MICALL2: variants seen among roughly 807,000 people sequenced by gnomAD.
MICALL2 encodes the protein MICAL-like protein 2.
Under a neutral mutation model 91.1 loss-of-function variants are expected in MICALL2, and 111 were observed. That is an observed-to-expected ratio of 1.22 (90% CI 1.04 to 1.43). The LOEUF is 1.43. MICALL2 is among the 40% of genes most tolerant of loss of function. The probability of loss-of-function intolerance (pLI) is 0.00; values close to 1 mark genes in which losing one functional copy is unlikely to be tolerated. For missense variants in MICALL2, 1,556 were observed against 1,236.0 expected (o/e 1.26, Z -3.88); for synonymous variants, 694 against 525.3 (o/e 1.32, Z -4.39).
chr7:1,441,692 CG>C, intron 7 of MICALL2: 1 of 170,968 alleles, frequency 5.8e-6, no homozygotes, highest in South Asian at 1.3e-4. Context: ...GCGGAGGGGA[CG>C]GGGCATAGGG....
chr7:1,440,708 GGT>G, intron 7 of MICALL2, 24 bp from the exon 8 acceptor site: 1 of 1,597,502 alleles, frequency 6.3e-7, no homozygotes. Context: ...AAGGGGTCTG[GGT>G]GTGAGGAAGG....
intron 1 of MICALL2, among the ~76,000 whole-genome samples, chr7:1,458,487 G>C (rs1781097770): frequency 1.3e-5 from 2 of 152,256 alleles, no homozygotes; most frequent in South Asian, 2.1e-4. Flanking sequence ...AAGAGCGTTT[G>C]CTGAGTGAAT....
chr7:1,437,108 G>A, intron 14 of MICALL2: 2 of 485,104 alleles, frequency 4.1e-6, no homozygotes, highest in South Asian at 3.2e-5. Context: ...TGGACACTGA[G>A]GCTCAGGGCG....
At position 1,438,921 on chromosome 7, in the gene MICALL2, G is replaced by T. The variant is rs151320299; in HGVS notation, c.2041C>A (p.Arg681=). 3.1e-6 allele frequency: 5 copies of T among 1,608,268 alleles called. No individual in the cohort carries two copies. The highest frequency in any genetic ancestry group is 2.7e-5 in the African/African-American group (2 of 74,894). Residue 681 remains arginine (R), a synonymous_variant, in exon 10 of 17, where the codon CGG becomes AGG. Transcript: ENST00000297508. ...GCTTCCTGGCCAGGGGGCTCCGGCCGAAGCCAGTTGTCACAAACGTCGAGG... is the reference window on the plus strand; with the variant it reads ...GCTTCCTGGCCAGGGGGCTCCGGCCTAAGCCAGTTGTCACAAACGTCGAGG... ...ASLDVCDNWL[R]PEPPGQEARV...
Position 1,444,802 on chromosome 7 carries a change from G to A in MICALL2, c.1268C>T (p.Thr423Ile), listed in dbSNP as rs759972798. The A allele has an allele frequency of 6.8e-6, 11 of 1,611,422 alleles. No homozygotes were observed. In the East Asian group the frequency reaches 1.3e-4, roughly 20 times the overall value. ...TQQARNKFFQ[T>I]SAVPPGTSLS... ...GCTGGTGCCGGGGGGCACTGCTGATGTTTGGAAAAACTTATTCCGGGCCTG... is the reference window on the plus strand; with the variant it reads ...GCTGGTGCCGGGGGGCACTGCTGATATTTGGAAAAACTTATTCCGGGCCTG... The change falls in exon 6 of 17, where the codon ACA (threonine) becomes ATA (isoleucine). Residue 423 changes from threonine (T) to isoleucine (I), a missense_variant. Thr to Ile is a moderately conservative substitution (Grantham distance 89). Coordinates refer to ENST00000297508, the MANE Select transcript of MICALL2 (RefSeq NM_182924.4).
rs200181922 is a variant in MICALL2, at chr7:1,442,356, G to A, written c.1547C>T (p.Pro516Leu). The A allele has an allele frequency of 1.9e-5, 31 of 1,612,436 alleles. No individual in the cohort carries two copies. Among genetic ancestry groups the A allele is most frequent in the African/African-American group, 6.7e-5 (5 of 75,034 alleles). Residue 516 changes from proline to leucine, a missense_variant, in exon 7 of 17, where the codon CCG (proline) becomes CTG (leucine). Physicochemically the swap from Pro to Leu is moderately conservative, Grantham distance 98. Transcript: ENST00000297508. ...RVLGLPSRME[P>L]PAPLSTSSTS... Reference sequence around the variant, plus strand: ...ACTGCTCGTGCTCAGCGGGGCTGGCGGTTCCATCCTCGAAGGGAGGCCAAG... The same window carrying A: ...ACTGCTCGTGCTCAGCGGGGCTGGCAGTTCCATCCTCGAAGGGAGGCCAAG...
At chr7:1,435,687 A>G (rs1779933886) in intron 15 of MICALL2, among the ~76,000 whole-genome samples, 1 of 152,260 alleles carries the variant, frequency 6.6e-6, no homozygotes, top group South Asian at 2.1e-4. Context: ...ACGAGACAGG[A>G]AAGCTGTCGG....
intron 1 of MICALL2, among the ~76,000 whole-genome samples, chr7:1,454,567 G>C (rs1463113654): frequency 6.6e-6 from 1 of 152,186 alleles, no homozygotes; most frequent in Non-Finnish European, 1.5e-5. Context: ...CCCTGCAGTA[G>C]GTGGACAGGC....
chr7:1,437,363 G>A (rs896453794), intron 14 of MICALL2, 172 bp downstream of exon 14: 1 of 617,234 alleles, frequency 1.6e-6, no homozygotes, highest in East Asian at 3.0e-5. Context: ...CCTTGGCTGA[G>A]GACACACAGC....
intron 15 of MICALL2, 87 bp downstream of exon 15, chr7:1,436,655 C>T: frequency 1.0e-6 from 1 of 967,524 alleles, no homozygotes; most frequent in Non-Finnish European, 1.5e-6. Context: ...TCAGAAAGTT[C>T]TACGGGGCTG....
rs955424953 is a variant in MICALL2, at chr7:1,452,098, G to A, written c.144-1810C>T. On this transcript the variant is annotated intron_variant, in intron 1 of 16. Transcript: ENST00000297508. The surrounding 1 kb of genome is among the most constrained non-coding windows in gnomAD (Gnocchi z 6.2). ...CTGGGATCCTTGGGAACCCTCCACC[G>A]TTTCCAGCTTGGACCCCCTCCCAGG... Among the ~76,000 whole-genome samples the A allele has an allele frequency of 6.6e-5, 10 of 152,104 alleles. No homozygotes were observed. The highest frequency in any genetic ancestry group is 1.2e-4 in the Non-Finnish European group (8 of 68,010).
rs954641111 is a variant in MICALL2, at chr7:1,452,033, C to T, written c.144-1745G>A. The stretch of plus-strand genomic sequence containing the variant: ...TGCCCACCTCTCTCCTTAGGAAGCC[C>T]CCGCCCCGTCCGCCTGCAGCCCTGC... On this transcript the variant is annotated intron_variant, in intron 1 of 16. Coordinates refer to ENST00000297508, the MANE Select transcript of MICALL2 (RefSeq NM_182924.4). The surrounding 1 kb of genome is among the most constrained non-coding windows in gnomAD (Gnocchi z 6.2). Among the ~76,000 whole-genome samples, 1 of 152,176 alleles carries T rather than the reference C, an allele frequency of 6.6e-6. No individual in the cohort carries two copies. Among genetic ancestry groups the T allele is most frequent in the African/African-American group, 2.4e-5 (1 of 41,440 alleles).
rs529850893 is a variant in MICALL2 at position 1,442,009 on chromosome 7, CCACA to C, written c.1711+179_1711+182del. ...ATAGCCCTGAGGACATTTGCAGCCA[CCACA>C]CAGAGAGCGCACCAGGACCCCAGGA... On this transcript the variant is annotated intron_variant, in intron 7 of 16. Transcript: ENST00000297508. The C allele has an allele frequency of 1.0e-4, 75 of 715,330 alleles. No individual in the cohort carries two copies. In the African/African-American group the frequency reaches 1.3e-3, roughly 12 times the overall value. The allele number at this position is 715,330 out of a possible 1,614,324, so 44.3% of individuals were successfully genotyped here. A position where few individuals can be genotyped will look rare whatever the true frequency, so the allele number is the denominator to read the frequency against.
intron 15 of MICALL2, among the ~76,000 whole-genome samples, chr7:1,436,013 A>G (rs1401581790): frequency 1.3e-5 from 2 of 151,224 alleles, no homozygotes; most frequent in East Asian, 3.9e-4. Flanking sequence ...GATTGCGGCC[A>G]CTGCACTCCA....
At chr7:1,438,724 T>TC (rs1780109950) in intron 10 of MICALL2, 116 bp downstream of exon 10, 1 of 1,493,546 alleles carries the variant, frequency 6.7e-7, no homozygotes, top group South Asian at 1.4e-5. Context: ...CTCCAGGCTT[T>TC]CCCTCCATTC....
At chr7:1,443,888 C>A (rs2128521948) in intron 6 of MICALL2, among the ~76,000 whole-genome samples, 1 of 152,204 alleles carries the variant, frequency 6.6e-6, no homozygotes, top group Non-Finnish European at 1.5e-5. Flanking sequence ...CAGCGCCCCC[C>A]TCTACCCGTC....
chr7:1,437,381 T>C, intron 14 of MICALL2, 154 bp downstream of exon 14: 3 of 575,208 alleles, frequency 5.2e-6, no homozygotes, highest in Non-Finnish European at 8.8e-6. Context: ...AGCCAGGAGG[T>C]GGGAGATTTG....
In MICALL2 at chr7:1,444,685, G is replaced by A. The variant is rs779035550; in HGVS notation, c.1385C>T (p.Ala462Val). ...ARNFLKQALSALEEAGAPAPG... is the reference protein window; with the variant it reads ...ARNFLKQALSVLEEAGAPAPG... ...CGCCGGAGCGCCAGCCTCTTCCAGC[G>A]CTGAGAGGGCCTGCTTGAGGAAGTT... The change falls in exon 6 of 17, where the codon GCG (alanine) becomes GTG (valine). Residue 462 changes from alanine to valine, a missense_variant. Physicochemically the swap from Ala to Val is moderately conservative, Grantham distance 64. Coordinates refer to ENST00000297508, the MANE Select transcript of MICALL2 (RefSeq NM_182924.4). 18 of 1,611,898 alleles carry A rather than the reference G, an allele frequency of 1.1e-5. No homozygotes were observed. The highest frequency in any genetic ancestry group is 2.2e-5 in the East Asian group (1 of 44,878).
At chr7:1,435,237 A>G (rs1161416465) in intron 15 of MICALL2, 90 bp from the exon 16 acceptor site, 5 of 1,368,734 alleles carry the variant, frequency 3.7e-6, no homozygotes, top group Middle Eastern at 1.8e-4. Flanking sequence ...GTGGCACCCC[A>G]GCCCTGAGTC....
Sources: allele counts gnomAD v4.1 joint callset (sites outside exome capture counted in the v4.1 genomes callset), GRCh38; gene constraint gnomAD v4.1.1; non-coding constraint Gnocchi (gnomAD v3.1); transcripts MANE v1.5; gene names NCBI Gene and HGNC (gene_info 2026-07-23, HGNC 2026-07-21).